The following SETBP1 variants were observed in gnomAD, a reference collection of about 807,000 sequenced individuals.
SETBP1 encodes SET-binding protein.
Under a neutral mutation model 101.0 loss-of-function variants are expected in SETBP1, and 9 were observed. That is an observed-to-expected ratio of 0.09 (90% confidence interval 0.05 to 0.16). The LOEUF (loss-of-function observed/expected upper bound fraction) is 0.16, where lower values mean the gene tolerates loss of function less well. SETBP1 is among the 10% of genes least tolerant of loss of function. SETBP1 has a pLI of 1.00. For missense variants in SETBP1, 1,858 were observed against 2,033.8 expected, an observed-to-expected ratio of 0.91 and a Z score of 1.66; for synonymous variants, 818 against 788.5, an observed-to-expected ratio of 1.04 and a Z score of -0.63.
At chr18:44,717,421 T>G (rs2069490450) in intron 2 of SETBP1, among the ~76,000 whole-genome samples, 1 of 152,230 alleles carries the variant, frequency 6.6e-6, no homozygotes, top group Non-Finnish European at 1.5e-5. Context: ...TCCACAAAAT[T>G]GATGAAACTT....
intron 3 of SETBP1, among the ~76,000 whole-genome samples, chr18:44,927,749 T>C (rs929501965): frequency 1.3e-5 from 2 of 152,144 alleles, no homozygotes; most frequent in African/African-American, 4.8e-5. Context: ...CGATCAGGAG[T>C]TTGAACTAGA....
intron 2 of SETBP1, among the ~76,000 whole-genome samples, chr18:44,787,497 A>G (rs1348264270): frequency 6.6e-6 from 1 of 152,182 alleles, no homozygotes; most frequent in Non-Finnish European, 1.5e-5. Context: ...ATACACAGAC[A>G]TGGAGTTTCT....
intron 2 of SETBP1, among the ~76,000 whole-genome samples, chr18:44,710,823 A>G (rs537494057): frequency 6.6e-6 from 1 of 152,298 alleles, no homozygotes; most frequent in African/African-American, 2.4e-5. Context: ...GTTTTGGGGA[A>G]AGTGTTTCAA....
chr18:44,732,283 A>C (rs1016698987), intron 2 of SETBP1, among the ~76,000 whole-genome samples: 2 of 152,222 alleles, frequency 1.3e-5, no homozygotes, highest in African/African-American at 2.4e-5. Flanking sequence ...GAAGCTGAGC[A>C]GGGCTATGCA....
At chr18:45,002,970 T>C (rs1448558980) in intron 4 of SETBP1, among the ~76,000 whole-genome samples, 2 of 152,174 alleles carry the variant, frequency 1.3e-5, no homozygotes, top group Non-Finnish European at 2.9e-5. Context: ...AGCACCTTGG[T>C]ATATGTGAGA....
intron 4 of SETBP1, among the ~76,000 whole-genome samples, chr18:45,026,247 A>G (rs923748372): frequency 6.6e-6 from 1 of 152,208 alleles, no homozygotes; most frequent in Non-Finnish European, 1.5e-5. Context: ...TGATTATGGC[A>G]TAACAAGCAT....
chr18:44,875,797 G>A (rs1291499333), intron 3 of SETBP1, among the ~76,000 whole-genome samples: 2 of 152,168 alleles, frequency 1.3e-5, no homozygotes, highest in African/African-American at 2.4e-5. Context: ...ACAGAGGCAC[G>A]GGGAAGTTAA....
intron 4 of SETBP1, among the ~76,000 whole-genome samples, chr18:45,016,053 T>G (rs2072933551): frequency 6.6e-6 from 1 of 152,068 alleles, no homozygotes; most frequent in South Asian, 2.1e-4. Flanking sequence ...CTAGCATCAC[T>G]GAAAGAAAAC....
intron 4 of SETBP1, among the ~76,000 whole-genome samples, chr18:45,033,853 A>T (rs1460691229): frequency 9.9e-5 from 15 of 152,194 alleles, no homozygotes; most frequent in Non-Finnish European, 7.3e-5. Context: ...CACCTCTTAC[A>T]GCTGTGTGAT....
intron 3 of SETBP1, 72 bp downstream of exon 3, chr18:44,869,355 C>T (rs1013202389): frequency 1.4e-6 from 2 of 1,393,864 alleles, no homozygotes; most frequent in Admixed American, 3.4e-5. Context: ...CAACAAGCAC[C>T]TTTGGGGCCA....
intron 4 of SETBP1, among the ~76,000 whole-genome samples, chr18:45,012,444 G>A (rs2145382164): frequency 6.6e-6 from 1 of 152,206 alleles, no homozygotes. Flanking sequence ...GGGGAATAGT[G>A]ACTCATCCTG....
At chr18:45,013,494 C>CAGT (rs755164209) in intron 4 of SETBP1, among the ~76,000 whole-genome samples, 3 of 151,666 alleles carry the variant, frequency 2.0e-5, no homozygotes, top group Non-Finnish European at 4.4e-5. Context: ...GGCTGGAGTG[C>CAGT]AGTGGTGTGA....
chr18:44,738,867 A>G (rs933710939), intron 2 of SETBP1, among the ~76,000 whole-genome samples: 22 of 152,088 alleles, frequency 1.4e-4, no homozygotes, highest in Admixed American at 1.2e-3. Flanking sequence ...ACAGTTGCCC[A>G]CAAACTTAGT....
At chr18:45,045,407 G>T (rs1340139923) in intron 5 of SETBP1, among the ~76,000 whole-genome samples, 2 of 152,162 alleles carry the variant, frequency 1.3e-5, no homozygotes, top group Non-Finnish European at 2.9e-5. Context: ...CTCCAGCCTG[G>T]GTGACAGAGC....
chr18:44,900,196 G>T (rs1039330673), intron 3 of SETBP1, among the ~76,000 whole-genome samples: 1 of 152,192 alleles, frequency 6.6e-6, no homozygotes, highest in African/African-American at 2.4e-5. Flanking sequence ...TGTTAGAAAT[G>T]CAGGTTCTCA....
At chr18:45,039,137 G>T (rs1314271695) in intron 5 of SETBP1, among the ~76,000 whole-genome samples, 1 of 152,146 alleles carries the variant, frequency 6.6e-6, no homozygotes, top group Non-Finnish European at 1.5e-5. Flanking sequence ...TGCCTCCCTT[G>T]CTCATCAGGG....
At chr18:44,907,478 T>C (rs1324679345) in intron 3 of SETBP1, among the ~76,000 whole-genome samples, 1 of 152,190 alleles carries the variant, frequency 6.6e-6, no homozygotes, top group East Asian at 1.9e-4. Context: ...AGTAATAATA[T>C]ATGAGGATTC....
At chr18:44,845,707 T>C (rs954178265) in intron 2 of SETBP1, among the ~76,000 whole-genome samples, 1 of 152,192 alleles carries the variant, frequency 6.6e-6, no homozygotes, top group Non-Finnish European at 1.5e-5. Flanking sequence ...CTCTAGGGCT[T>C]GTTCCATGCA....
intron 3 of SETBP1, among the ~76,000 whole-genome samples, chr18:44,898,337 A>G (rs2069957192): frequency 6.6e-6 from 1 of 152,322 alleles, no homozygotes; most frequent in African/African-American, 2.4e-5. Context: ...CCACGTCTCA[A>G]TTTATGGTAC....
Sources: gnomAD v4.1 joint callset for allele counts (sites outside exome capture counted in the v4.1 genomes callset) on GRCh38, gnomAD v4.1.1 for gene constraint, MANE v1.5 for transcripts, NCBI Gene and HGNC (gene_info 2026-07-23, HGNC 2026-07-21) for gene names.